Variants in TNS4 observed in about 807,000 individuals in gnomAD.
TNS4 encodes the protein tensin-4.
Under a neutral mutation model 70.4 loss-of-function variants are expected in TNS4, and 46 were observed. The ratio of observed to expected loss-of-function variants is 0.65; its 90% CI spans 0.52 to 0.84. The LOEUF is 0.84. Among genes scored for constraint, TNS4 ranks in the 40% least tolerant of loss-of-function variants. The probability of loss-of-function intolerance (pLI) is 0.00; values close to 1 mark genes in which losing one functional copy is unlikely to be tolerated. For missense variants in TNS4, 863 were observed against 907.0 expected (o/e 0.95, Z 0.62); for synonymous variants, 390 against 366.6 (o/e 1.06, Z -0.73).
intron 1 of TNS4, among the ~76,000 whole-genome samples, chr17:40,498,111 AC>A (rs1480064264): frequency 6.6e-6 from 1 of 151,314 alleles, no homozygotes; most frequent in Non-Finnish European, 1.5e-5. Flanking sequence ...CCCCACCAAC[AC>A]CCCCCAACTC....
In TNS4 at chr17:40,496,253, G is replaced by T; in HGVS notation, c.173C>A (p.Pro58His). 6.3e-7 allele frequency: 1 copy of T among 1,598,402 alleles called. No individual in the cohort carries two copies. The highest frequency in any genetic ancestry group is 8.5e-7 in the Non-Finnish European group (1 of 1,172,818). The change falls in exon 2 of 13, where the codon CCC becomes CAC. Residue 58 changes from proline (P) to histidine (H), a missense_variant. Physicochemically the swap from Pro to His is moderately conservative, Grantham distance 77. Coordinates refer to ENST00000254051, the MANE Select transcript of TNS4 (RefSeq NM_032865.6). ...GAGTCGGCCAGGGGGCCCCATGCAGGGCACGGGGGCCATCAGGGCCTGGGC... is the reference window on the plus strand; with the variant it reads ...GAGTCGGCCAGGGGGCCCCATGCAGTGCACGGGGGCCATCAGGGCCTGGGC... The part of the protein sequence containing the change: ...WGAQALMAPV[P>H]CMGPPGRLQQ...
chr17:40,499,207 CTTTCCT>C (rs1292729006), intron 1 of TNS4, among the ~76,000 whole-genome samples: 1 of 152,206 alleles, frequency 6.6e-6, no homozygotes, highest in African/African-American at 2.4e-5. Flanking sequence ...GTGAAAATCC[CTTTCCT>C]GTTTTGTTCC....
chr17:40,482,169 C>A lies in TNS4; in HGVS notation c.1632G>T (p.Met544Ile). The A allele has an allele frequency of 6.2e-7, 1 of 1,614,208 alleles. No individual in the cohort carries two copies. Among genetic ancestry groups the A allele is most frequent in the Non-Finnish European group, 8.5e-7 (1 of 1,180,040 alleles). Residue 544 changes from methionine (M) to isoleucine (I), a missense_variant, in exon 8 of 13, where the codon ATG (methionine) becomes ATT (isoleucine). Transcript: ENST00000254051. Reference sequence around the variant, plus strand: ...TGAGTTTGCAGGGCAGGGCCAGGGCCATGATGGAATGCTGGCACACGAAGG... The same window carrying A: ...TGAGTTTGCAGGGCAGGGCCAGGGCAATGATGGAATGCTGGCACACGAAGG... Reference protein sequence around the residue: ...LSAFVCQHSIMALALPCKLTI... With the variant: ...LSAFVCQHSIIALALPCKLTI...
At position 40,477,470 on chromosome 17, in the gene TNS4, C is replaced by T. The variant is rs1372981714; in HGVS notation, c.*118G>A. Reference sequence around the variant, plus strand: ...AGGGTGTCAACTTGATGCCAATCCCCCTAGTCCCATAGATTGGTCTGTCAA... The same window carrying T: ...AGGGTGTCAACTTGATGCCAATCCCTCTAGTCCCATAGATTGGTCTGTCAA... On this transcript the variant is annotated 3_prime_UTR_variant, in exon 13 of 13. Transcript: ENST00000254051. 7.8e-6 allele frequency: 11 copies of T among 1,405,198 alleles called. No individual in the cohort carries two copies. Among genetic ancestry groups the T allele is most frequent in the Admixed American group, 4.0e-5 (2 of 49,584 alleles). The allele number at this position is 1,405,198 out of a possible 1,614,324, so 87.0% of individuals were successfully genotyped here.
In TNS4 at chr17:40,489,268, C is replaced by T. The variant is rs771487168; in HGVS notation, c.440-299G>A. 6.6e-4 allele frequency among the ~76,000 whole-genome samples: 100 copies of T among 152,164 alleles called. 1 individual carries two copies. The highest frequency in any genetic ancestry group is 2.6e-4 in the Admixed American group (4 of 15,282). On this transcript the variant is annotated intron_variant, in intron 2 of 12. Coordinates refer to ENST00000254051, the MANE Select transcript of TNS4 (RefSeq NM_032865.6). ...CTGAGAGAGTTTGGCCAAAAGACTT[C>T]ACCACCCAGGGCCTCAGTTTCCACA...
Position 40,488,541 on chromosome 17 carries a change from C to T in TNS4, c.863+5G>A. The stretch of plus-strand genomic sequence containing the variant: ...GTGTGCAATGTTAGAAGCTACAGAA[C>T]CTACCTTCCAAACATATAGCTGACA... On this transcript the variant is annotated splice_donor_5th_base_variant and intron_variant, in intron 3 of 12. Coordinates refer to ENST00000254051, the MANE Select transcript of TNS4 (RefSeq NM_032865.6). 6.6e-7 allele frequency: 1 copy of T among 1,504,376 alleles called. No individual in the cohort carries two copies. The highest frequency in any genetic ancestry group is 8.9e-7 in the Non-Finnish European group (1 of 1,126,252). The allele number at this position is 1,504,376 out of a possible 1,614,324, so 93.2% of individuals were successfully genotyped here.
At position 40,496,496 on chromosome 17, in the gene TNS4, C is replaced by G. The variant is rs1181544290; in HGVS notation, c.-71G>C. On this transcript the variant is annotated 5_prime_UTR_variant, in exon 2 of 13. Transcript: ENST00000254051. Reference sequence around the variant, plus strand: ...CCTCACTGACATCCCAGAGATCTCACTTGCTAACCAGGAGCTCCCAGGATC... The same window carrying G: ...CCTCACTGACATCCCAGAGATCTCAGTTGCTAACCAGGAGCTCCCAGGATC... 3 of 1,483,160 alleles carry G rather than the reference C, an allele frequency of 2.0e-6. No individual in the cohort carries two copies. Among genetic ancestry groups the G allele is most frequent in the Non-Finnish European group, 2.7e-6 (3 of 1,110,556 alleles). 91.9% of individuals were successfully genotyped at this position (1,483,160 alleles called of 1,614,324 possible). A position where few individuals can be genotyped will look rare whatever the true frequency, so the allele number is the denominator to read the frequency against.
At chr17:40,486,811 T>C (rs2035994745) in intron 4 of TNS4, among the ~76,000 whole-genome samples, 2 of 152,158 alleles carry the variant, frequency 1.3e-5, no homozygotes, top group Non-Finnish European at 2.9e-5. Context: ...TTGGCCAATA[T>C]GATTGAGAAT....
chr17:40,476,292 G>A lies in TNS4; in HGVS notation c.*1296C>T, dbSNP rs1411656228. The A allele has an allele frequency of 3.3e-5, 5 of 152,048 alleles. No homozygotes were observed. Among genetic ancestry groups the A allele is most frequent in the East Asian group, 1.9e-4 (1 of 5,192 alleles). 9.4% of individuals were successfully genotyped at this position (152,048 alleles called of 1,614,324 possible). A position where few individuals can be genotyped will look rare whatever the true frequency, so the allele number is the denominator to read the frequency against. On this transcript the variant is annotated 3_prime_UTR_variant, in exon 13 of 13. Coordinates refer to ENST00000254051, the MANE Select transcript of TNS4 (RefSeq NM_032865.6). ...GCTCCTCCAAGCCTCTTAGGGAAGCGGCCTCTTTGCATTCTTGACTCTCTG... is the reference window on the plus strand; with the variant it reads ...GCTCCTCCAAGCCTCTTAGGGAAGCAGCCTCTTTGCATTCTTGACTCTCTG...
At chr17:40,484,771 C>T (rs955903861) in intron 5 of TNS4, 150 bp downstream of exon 5, 1 of 1,364,858 alleles carries the variant, frequency 7.3e-7, no homozygotes, top group Non-Finnish European at 1.0e-6. Flanking sequence ...GTTCCTACTT[C>T]CTCGGGAGGT....
intron 10 of TNS4, 64 bp from the exon 11 acceptor site, chr17:40,478,712 G>T: frequency 6.4e-7 from 1 of 1,569,572 alleles, no homozygotes; most frequent in Non-Finnish European, 8.8e-7. Flanking sequence ...CCTGCCTCCA[G>T]CATCTCTCGT....
intron 6 of TNS4, 151 bp downstream of exon 6, chr17:40,484,333 G>A (rs1325601128): frequency 8.9e-6 from 11 of 1,236,464 alleles, no homozygotes; most frequent in South Asian, 1.6e-5. Context: ...GGAGGGCATC[G>A]GGGAGAACAC....
chr17:40,488,875 G>A lies in TNS4; in HGVS notation c.534C>T (p.Ser178=). ...SSPSVTPPFG[S]LRSGGLLLSR... ...AAAGGAGGAGGCCACCACTGCGAAGGGAGCCGAAGGGCGGGGTGACAGAGG... is the reference window on the plus strand; with the variant it reads ...AAAGGAGGAGGCCACCACTGCGAAGAGAGCCGAAGGGCGGGGTGACAGAGG... The change falls in exon 3 of 13, where the codon TCC becomes TCT. Residue 178 remains serine, a synonymous_variant. Transcript: ENST00000254051. The A allele has an allele frequency of 6.2e-7, 1 of 1,613,580 alleles. No individual in the cohort carries two copies. The highest frequency in any genetic ancestry group is 8.5e-7 in the Non-Finnish European group (1 of 1,179,904).
chr17:40,482,378 CGATGAGGAAGTGTCG>C lies in TNS4; in HGVS notation c.1525_1539del (p.Arg509_Ile513del). On this transcript the variant is annotated inframe_deletion, in exon 7 of 13. Transcript: ENST00000254051. The stretch of plus-strand genomic sequence containing the variant: ...AGATGCACTCCTTTGGCAGACGACT[CGATGAGGAAGTGTCG>C]GATGAGGTCATTGCTGTCCTCACCT... 2.5e-6 allele frequency: 4 copies of C among 1,614,038 alleles called. No individual in the cohort carries two copies. The highest frequency in any genetic ancestry group is 3.4e-6 in the Non-Finnish European group (4 of 1,179,998).
At chr17:40,492,021 C>G (rs889434243) in intron 2 of TNS4, among the ~76,000 whole-genome samples, 1 of 152,160 alleles carries the variant, frequency 6.6e-6, no homozygotes, top group Non-Finnish European at 1.5e-5. Flanking sequence ...ACCACATTCT[C>G]TGTGGGATGG....
At chr17:40,493,316 G>A (rs1344850360) in intron 2 of TNS4, among the ~76,000 whole-genome samples, 3 of 152,180 alleles carry the variant, frequency 2.0e-5, no homozygotes, top group Non-Finnish European at 4.4e-5. Flanking sequence ...CAGCCCAAAA[G>A]TAGGAAGGAT....
At chr17:40,493,703 C>T (rs1188899556) in intron 2 of TNS4, among the ~76,000 whole-genome samples, 3 of 152,200 alleles carry the variant, frequency 2.0e-5, no homozygotes. Context: ...TGGGTGGACA[C>T]ATGTTCACAA....
At chr17:40,479,436 C>G (rs919247918) in intron 10 of TNS4, among the ~76,000 whole-genome samples, 1 of 152,216 alleles carries the variant, frequency 6.6e-6, no homozygotes, top group Non-Finnish European at 1.5e-5. Flanking sequence ...CATGAGCCAC[C>G]GTGCCCGGCC....
intron 2 of TNS4, among the ~76,000 whole-genome samples, chr17:40,494,511 C>T (rs1229162441): frequency 6.6e-5 from 10 of 152,174 alleles, no homozygotes; most frequent in Non-Finnish European, 4.4e-5. Context: ...GTGGGTGGAT[C>T]ACTTGAGCTC....
Sources: gnomAD v4.1 joint callset for allele counts (sites outside exome capture counted in the v4.1 genomes callset) on GRCh38, gnomAD v4.1.1 for gene constraint, MANE v1.5 for transcripts, NCBI Gene and HGNC (gene_info 2026-07-23, HGNC 2026-07-21) for gene names.